SLC16A10: variants seen among roughly 807,000 people sequenced by gnomAD.
SLC16A10 encodes solute carrier family 16 member 10.
Under a neutral mutation model 40.0 loss-of-function variants are expected in SLC16A10, and 27 were observed. The ratio of observed to expected loss-of-function variants is 0.67; its 90% CI spans 0.50 to 0.93. SLC16A10 has a LOEUF of 0.93. Ranked by LOEUF, SLC16A10 falls within the 40% of genes least tolerant of loss-of-function variation. The pLI, the probability that SLC16A10 is intolerant of heterozygous loss-of-function variation, is 0.00. For synonymous variants in SLC16A10, 213 were observed against 249.8 expected, an observed-to-expected ratio of 0.85 and a Z score of 1.39; for missense variants, 529 against 658.2, an observed-to-expected ratio of 0.80 and a Z score of 2.15.
At chr6:111,144,495 G>A (rs771629972) in intron 1 of SLC16A10, among the ~76,000 whole-genome samples, 5 of 152,158 alleles carry the variant, frequency 3.3e-5, no homozygotes, top group East Asian at 3.8e-4. Flanking sequence ...GAGCCACCGC[G>A]CCTGGCCTAT....
intron 1 of SLC16A10, among the ~76,000 whole-genome samples, chr6:111,091,642 C>T (rs1226827693): frequency 6.6e-6 from 1 of 151,772 alleles, no homozygotes; most frequent in Non-Finnish European, 1.5e-5. Context: ...GATTGATCCA[C>T]AGCAGGACAA....
chr6:111,195,999 A>G (rs552413086), intron 3 of SLC16A10, among the ~76,000 whole-genome samples: 105 of 151,320 alleles, frequency 6.9e-4, no homozygotes, highest in African/African-American at 2.3e-3. Flanking sequence ...TATTTGGGGG[A>G]AAAAAAAACA....
rs1264979572 is a variant in SLC16A10 at position 111,117,175 on chromosome 6, C to T, written c.343+29080C>T. Among the ~76,000 whole-genome samples, 4 of 151,616 alleles carry T rather than the reference C, an allele frequency of 2.6e-5. No homozygotes were observed. The East Asian group carries it at 7.8e-4, about 29-fold the overall frequency. ...ACCATCCTGGCTAACACGTTGAAAC[C>T]CCGTCTCTACTAGAAATACAAAAAA... On this transcript the variant is annotated intron_variant, in intron 1 of 5. Transcript: ENST00000368851.
At chr6:111,188,685 C>G (rs1224249363) in intron 3 of SLC16A10, among the ~76,000 whole-genome samples, 1 of 152,170 alleles carries the variant, frequency 6.6e-6, no homozygotes, top group Non-Finnish European at 1.5e-5. Context: ...AATTTACTCT[C>G]AATCCCTATA....
intron 3 of SLC16A10, among the ~76,000 whole-genome samples, chr6:111,189,620 G>A (rs1442233240): frequency 6.6e-6 from 1 of 152,122 alleles, no homozygotes; most frequent in East Asian, 1.9e-4. Flanking sequence ...GTTCCACATG[G>A]CTGGGTAGGC....
In SLC16A10 at chr6:111,222,237, AT is replaced by A; in HGVS notation, c.*3del. The stretch of plus-strand genomic sequence containing the variant: ...AAAGAATCTGACTCTATTATTTAAT[AT>A]CTTACATACCTCCACCAGACTGGAC... On this transcript the variant is annotated 3_prime_UTR_variant, in exon 6 of 6. Coordinates refer to ENST00000368851, the MANE Select transcript of SLC16A10 (RefSeq NM_018593.5). The A allele has an allele frequency of 6.3e-7, 1 of 1,597,762 alleles. No individual in the cohort carries two copies.
At chr6:111,157,958 T>C (rs1274027984) in intron 1 of SLC16A10, among the ~76,000 whole-genome samples, 4 of 151,360 alleles carry the variant, frequency 2.6e-5, no homozygotes, top group African/African-American at 7.3e-5. Context: ...GTTGCGAATG[T>C]TGACTTATAG....
rs111765789 is a variant in SLC16A10, at chr6:111,128,375, T to C, written c.343+40280T>C. Among the ~76,000 whole-genome samples the C allele has an allele frequency of 2.6e-3, 392 of 152,294 alleles. 2 individuals carry two copies. The highest frequency in any genetic ancestry group is 8.9e-3 in the African/African-American group (370 of 41,538). ...GGTCAGTGATGCCAGGGTTCAAACC[T>C]ACACTTAACTCTACACTAGAGACTG... On this transcript the variant is annotated intron_variant, in intron 1 of 5. Coordinates refer to ENST00000368851, the MANE Select transcript of SLC16A10 (RefSeq NM_018593.5).
At chr6:111,188,262 CCT>C (rs1292738472) in intron 3 of SLC16A10, among the ~76,000 whole-genome samples, 6 of 105,792 alleles carry the variant, frequency 5.7e-5, no homozygotes, top group African/African-American at 2.4e-4. Flanking sequence ...TCCCTCTCTC[CCT>C]CTCTCCCTCT....
chr6:111,222,491 A>G lies in SLC16A10; in HGVS notation c.*256A>G. The G allele has an allele frequency of 2.7e-6, 1 of 369,952 alleles. No homozygotes were observed. The highest frequency in any genetic ancestry group is 3.4e-5 in the South Asian group (1 of 29,386). 22.9% of individuals were successfully genotyped at this position (369,952 alleles called of 1,614,324 possible). ...TCACATATTGTGAAAATTTGAAGCT[A>G]TCTCAGTAAAAAGCAGCTTTGGAAA... On this transcript the variant is annotated 3_prime_UTR_variant, in exon 6 of 6. Coordinates refer to ENST00000368851, the MANE Select transcript of SLC16A10 (RefSeq NM_018593.5).
chr6:111,220,215 T>G (rs1007783834), intron 5 of SLC16A10, among the ~76,000 whole-genome samples: 21 of 152,240 alleles, frequency 1.4e-4, no homozygotes, highest in African/African-American at 4.8e-4. Context: ...ACTACTTAAT[T>G]GGAATGAAGT....
chr6:111,216,535 T>C (rs1773423683), intron 4 of SLC16A10, among the ~76,000 whole-genome samples: 1 of 151,134 alleles, frequency 6.6e-6, no homozygotes, highest in East Asian at 1.9e-4. Flanking sequence ...TCCGAGTAAC[T>C]GGGACTACAG....
chr6:111,217,921 C>T (rs1770797307), intron 4 of SLC16A10, among the ~76,000 whole-genome samples: 1 of 152,120 alleles, frequency 6.6e-6, no homozygotes, highest in African/African-American at 2.4e-5. Context: ...AGGGTAGGAA[C>T]GAAATCTTAT....
At chr6:111,191,298 C>CT (rs1772987168) in intron 3 of SLC16A10, among the ~76,000 whole-genome samples, 1 of 152,124 alleles carries the variant, frequency 6.6e-6, no homozygotes, top group Non-Finnish European at 1.5e-5. Flanking sequence ...TTTTAGTTTC[C>CT]TGAGAATGAT....
Position 111,177,612 on chromosome 6 carries a change from G to A in SLC16A10, c.889G>A (p.Ala297Thr), listed in dbSNP as rs780180467. Residue 297 changes from alanine (A) to threonine (T), a missense_variant, in exon 3 of 6, where the codon GCA (alanine) becomes ACA (threonine). Coordinates refer to ENST00000368851, the MANE Select transcript of SLC16A10 (RefSeq NM_018593.5). ...IFKVTAYAVW[A>T]VGIPLALFGY... The stretch of plus-strand genomic sequence containing the variant: ...CAAGGTGACAGCTTATGCAGTGTGG[G>A]CAGTTGGAATACCACTTGCACTTTT... 3 of 1,598,862 alleles carry A rather than the reference G, an allele frequency of 1.9e-6. No individual in the cohort carries two copies. The highest frequency in any genetic ancestry group is 2.3e-5 in the South Asian group (2 of 88,686).
Position 111,226,525 on chromosome 6 carries a change from A to G in SLC16A10, c.*4290A>G, listed in dbSNP as rs1326835813. ...AGTCTCTAACACTGAAAAAAAGGTC[A>G]TTGTTGCTGGTATAAACATTAAGGA... On this transcript the variant is annotated 3_prime_UTR_variant, in exon 6 of 6. Transcript: ENST00000368851. 1.3e-5 allele frequency: 2 copies of G among 152,230 alleles called. No individual in the cohort carries two copies. Among genetic ancestry groups the G allele is most frequent in the Non-Finnish European group, 2.9e-5 (2 of 68,036 alleles). The allele number at this position is 152,230 out of a possible 1,614,324, so 9.4% of individuals were successfully genotyped here. A position where few individuals can be genotyped will look rare whatever the true frequency, so the allele number is the denominator to read the frequency against.
chr6:111,184,090 A>T (rs1410453523), intron 3 of SLC16A10, among the ~76,000 whole-genome samples: 1 of 152,204 alleles, frequency 6.6e-6, no homozygotes, highest in Admixed American at 6.5e-5. Context: ...CTCTATCTCC[A>T]ATCTGAAGCT....
At chr6:111,131,746 G>A (rs1240044132) in intron 1 of SLC16A10, among the ~76,000 whole-genome samples, 1 of 152,150 alleles carries the variant, frequency 6.6e-6, no homozygotes, top group African/African-American at 2.4e-5. Context: ...GGAAGCTGAG[G>A]GCCGACTAGA....
At chr6:111,088,444 C>T (rs1770911171) in intron 1 of SLC16A10, among the ~76,000 whole-genome samples, 1 of 152,212 alleles carries the variant, frequency 6.6e-6, no homozygotes, top group African/African-American at 2.4e-5. Flanking sequence ...GAACCTTCAA[C>T]CCCAGTCATC....
Sources: gnomAD v4.1 joint callset for allele counts (sites outside exome capture counted in the v4.1 genomes callset) on GRCh38, gnomAD v4.1.1 for gene constraint, MANE v1.5 for transcripts, NCBI Gene and HGNC (gene_info 2026-07-23, HGNC 2026-07-21) for gene names.